SLC17A8: variants seen among roughly 807,000 people sequenced by gnomAD.
SLC17A8 encodes solute carrier family 17 member 8.
SLC17A8 carries 31 observed loss-of-function variants against 58.0 expected under a neutral mutation model. The ratio of observed to expected loss-of-function variants is 0.53; its 90% CI spans 0.40 to 0.72. The LOEUF (loss-of-function observed/expected upper bound fraction) is 0.72. Among genes scored for constraint, SLC17A8 ranks in the 30% least tolerant of loss-of-function variants. SLC17A8 has a pLI of 0.00. For missense variants in SLC17A8, 655 were observed against 727.8 expected (o/e 0.90, Z 1.15); for synonymous variants, 228 against 249.0 (o/e 0.92, Z 0.79).
At position 100,396,371 on chromosome 12, in the gene SLC17A8, G is replaced by T; in HGVS notation, c.630G>T (p.Trp210Cys). The change falls in exon 5 of 12, where the codon TGG becomes TGT. Residue 210 changes from tryptophan (W) to cysteine (C), a missense_variant. Physicochemically the swap from Trp to Cys is radical, Grantham distance 215 (BLOSUM62 -2). Coordinates refer to ENST00000323346, the MANE Select transcript of SLC17A8 (RefSeq NM_139319.3). ...CCTGCCATGGGATGTGGAGTAAGTG[G>T]GCACCACCTTTGGAGAGAAGCCGAC... ...YPACHGMWSK[W>C]APPLERSRLA... 1 of 1,614,086 alleles carries T rather than the reference G, an allele frequency of 6.2e-7. No homozygotes were observed. Among genetic ancestry groups the T allele is most frequent in the Non-Finnish European group, 8.5e-7 (1 of 1,180,018 alleles).
chr12:100,365,057 C>T (rs139582847), intron 1 of SLC17A8, among the ~76,000 whole-genome samples: 65 of 152,256 alleles, frequency 4.3e-4, no homozygotes, highest in Non-Finnish European at 8.4e-4. Context: ...AAAACTGGCC[C>T]CTCTGACATG....
At chr12:100,389,804 G>GTATTATTATTATTATTATTAT (rs144239177) in intron 2 of SLC17A8, among the ~76,000 whole-genome samples, 15 of 142,418 alleles carry the variant, frequency 1.1e-4, no homozygotes, top group African/African-American at 3.6e-4. Flanking sequence ...GGCTAGATTT[G>GTATTATTATTATTATTATTAT]TATTATTATT....
At chr12:100,374,086 C>CA (rs1392077382) in intron 1 of SLC17A8, among the ~76,000 whole-genome samples, 1 of 152,104 alleles carries the variant, frequency 6.6e-6, no homozygotes. Context: ...TCATGTATCT[C>CA]TGTGAGATAA....
At chr12:100,364,682 A>C (rs1952507701) in intron 1 of SLC17A8, among the ~76,000 whole-genome samples, 1 of 152,150 alleles carries the variant, frequency 6.6e-6, no homozygotes, top group East Asian at 1.9e-4. Flanking sequence ...ATTGATCCAC[A>C]TCTCTTCCCC....
At chr12:100,391,504 C>T (rs1034092143) in intron 3 of SLC17A8, among the ~76,000 whole-genome samples, 3 of 152,060 alleles carry the variant, frequency 2.0e-5, no homozygotes, top group African/African-American at 7.2e-5. Context: ...GAGGTTTCAC[C>T]ATGTTGGCCA....
chr12:100,402,006 T>C (rs1223931151), intron 6 of SLC17A8, 143 bp downstream of exon 6: 1 of 733,728 alleles, frequency 1.4e-6, no homozygotes, highest in Non-Finnish European at 2.4e-6. Context: ...TTATCTATGA[T>C]TTGATTAATA....
intron 1 of SLC17A8, among the ~76,000 whole-genome samples, chr12:100,362,780 G>T (rs1007029780): frequency 6.6e-6 from 1 of 152,054 alleles, no homozygotes; most frequent in Non-Finnish European, 1.5e-5. Context: ...CAGACTCCAG[G>T]CCCCACTGTG....
intron 1 of SLC17A8, among the ~76,000 whole-genome samples, chr12:100,362,871 T>A (rs760336018): frequency 1.3e-5 from 2 of 152,154 alleles, no homozygotes; most frequent in Non-Finnish European, 2.9e-5. Flanking sequence ...CAGATCTTCA[T>A]CCCTGAGAGG....
At chr12:100,419,787 T>C (rs1952934120) in intron 11 of SLC17A8, 28 bp from the exon 12 acceptor site, 1 of 1,605,034 alleles carries the variant, frequency 6.2e-7, no homozygotes, top group Admixed American at 1.7e-5. Flanking sequence ...AGTTAAAACA[T>C]TAATTGGCAC....
intron 4 of SLC17A8, among the ~76,000 whole-genome samples, chr12:100,395,932 G>A (rs1295011235): frequency 6.6e-6 from 1 of 152,228 alleles, no homozygotes; most frequent in Non-Finnish European, 1.5e-5. Context: ...ATTTCTTACA[G>A]TTCTGGAGGC....
chr12:100,393,263 T>C (rs1952729307), intron 3 of SLC17A8, 106 bp from the exon 4 acceptor site: 5 of 774,270 alleles, frequency 6.5e-6, no homozygotes, highest in Non-Finnish European at 1.1e-5. Flanking sequence ...CCACAGGGAT[T>C]TCCACAGGGA....
rs889924704 is a variant in SLC17A8 at position 100,365,299 on chromosome 12, G to A, written c.101+7807G>A. ...TATATTTCTCTACTATAGATGACAA[G>A]GCCTTGTCCCAGAATCCTAAGGCTC... On this transcript the variant is annotated intron_variant, in intron 1 of 11. Coordinates refer to ENST00000323346, the MANE Select transcript of SLC17A8 (RefSeq NM_139319.3). Among the ~76,000 whole-genome samples the A allele has an allele frequency of 2.0e-5, 3 of 152,230 alleles. 1 individual carries two copies. The highest frequency in any genetic ancestry group is 6.8e-3 in the Middle Eastern group (2 of 294).
At chr12:100,367,343 C>T (rs952238922) in intron 1 of SLC17A8, among the ~76,000 whole-genome samples, 1 of 152,020 alleles carries the variant, frequency 6.6e-6, no homozygotes. Context: ...TAGAAGATAG[C>T]CAATTTAATT....
In SLC17A8 at chr12:100,361,185, C is replaced by A. The variant is rs1054854957; in HGVS notation, c.101+3693C>A. On this transcript the variant is annotated intron_variant, in intron 1 of 11. Coordinates refer to ENST00000323346, the MANE Select transcript of SLC17A8 (RefSeq NM_139319.3). Reference sequence around the variant, plus strand: ...AAACCAAGTCAGATCACATCTCACCCCTGCTCAAAACTACCTCACTCAGAG... The same window carrying A: ...AAACCAAGTCAGATCACATCTCACCACTGCTCAAAACTACCTCACTCAGAG... Among the ~76,000 whole-genome samples, 5 of 152,162 alleles carry A rather than the reference C, an allele frequency of 3.3e-5. No individual in the cohort carries two copies. The East Asian group carries it at 9.6e-4, about 29-fold the overall frequency.
At chr12:100,396,206 C>G (rs1036648006) in intron 4 of SLC17A8, 124 bp from the exon 5 acceptor site, 4 of 775,798 alleles carry the variant, frequency 5.2e-6, no homozygotes, top group African/African-American at 5.1e-5. Flanking sequence ...AACATTCAAC[C>G]TACAACAGTG....
rs1175463887 is a variant in SLC17A8, at chr12:100,380,815, C to T, written c.216C>T (p.Leu72=). The change falls in exon 2 of 12, where the codon CTC becomes CTT. Residue 72 remains leucine (L), a synonymous_variant. Transcript: ENST00000323346. ...PPLCDCHCCG[L]PKRYIIAIMS... ...TCTGCGACTGCCACTGCTGCGGCCT[C>T]CCCAAGCGTTACATCATTGCTATCA... 1 of 1,614,052 alleles carries T rather than the reference C, an allele frequency of 6.2e-7. No homozygotes were observed. The highest frequency in any genetic ancestry group is 8.5e-7 in the Non-Finnish European group (1 of 1,180,046).
At chr12:100,369,874 A>G (rs1430318067) in intron 1 of SLC17A8, among the ~76,000 whole-genome samples, 1 of 152,196 alleles carries the variant, frequency 6.6e-6, no homozygotes, top group Non-Finnish European at 1.5e-5. Flanking sequence ...GATTTTAACT[A>G]CTAGAAAAGT....
intron 8 of SLC17A8, 25 bp downstream of exon 8, chr12:100,402,770 T>G: frequency 3.8e-6 from 6 of 1,599,842 alleles, no homozygotes; most frequent in Non-Finnish European, 5.1e-6. Flanking sequence ...GCTCCAAATA[T>G]TTTTGAACTT....
intron 2 of SLC17A8, among the ~76,000 whole-genome samples, chr12:100,385,641 C>G (rs1952669376): frequency 6.6e-6 from 1 of 152,170 alleles, no homozygotes. Context: ...TGTGAGCAGA[C>G]AGGAACTGAC....
Sources: gnomAD v4.1 joint callset for allele counts (sites outside exome capture counted in the v4.1 genomes callset) on GRCh38, gnomAD v4.1.1 for gene constraint, MANE v1.5 for transcripts, NCBI Gene and HGNC (gene_info 2026-07-23, HGNC 2026-07-21) for gene names.